Variants in KIF13A observed in about 807,000 individuals in gnomAD.
KIF13A encodes kinesin-like protein KIF13A.
KIF13A carries 79 observed loss-of-function variants against 212.2 expected under a neutral mutation model. That is an observed-to-expected ratio of 0.37 (90% CI 0.31 to 0.45). The LOEUF is 0.45. KIF13A is among the 20% of genes least tolerant of loss of function. The probability of loss-of-function intolerance (pLI) is 1.00; values close to 1 mark genes in which losing one functional copy is unlikely to be tolerated. For synonymous variants in KIF13A, 789 were observed against 808.6 expected (o/e 0.98, Z 0.41); for missense variants, 1,901 against 2,209.0 (o/e 0.86, Z 2.79).
chr6:17,844,023 T>C (rs926817223), intron 9 of KIF13A, among the ~76,000 whole-genome samples: 42 of 143,186 alleles, frequency 2.9e-4, no homozygotes, highest in African/African-American at 1.1e-3. Context: ...CCAGCCTGGG[T>C]GACAGAGTGA....
chr6:17,857,855 A>G (rs780276043), intron 4 of KIF13A, among the ~76,000 whole-genome samples: 3 of 152,190 alleles, frequency 2.0e-5, no homozygotes, highest in Non-Finnish European at 4.4e-5. Flanking sequence ...TGGCAGTGTT[A>G]TTCATAATAC....
intron 2 of KIF13A, among the ~76,000 whole-genome samples, chr6:17,929,344 AT>A (rs1775787997): frequency 6.6e-6 from 1 of 151,718 alleles, no homozygotes; most frequent in Non-Finnish European, 1.5e-5. Context: ...GGCTCAAACA[AT>A]GCTCTAGCTT....
At chr6:17,818,823 C>G (rs1010494150) in intron 16 of KIF13A, among the ~76,000 whole-genome samples, 1 of 152,110 alleles carries the variant, frequency 6.6e-6, no homozygotes, top group Non-Finnish European at 1.5e-5. Flanking sequence ...TGGTAATAAA[C>G]TGATGTGGTA....
Position 17,987,438 on chromosome 6 carries a change from G to A in KIF13A, c.26C>T (p.Ala9Val). ...TCGGTTCATGGGCCGGACCCGGACGGCAACTTTTACCTTGGTATCCGACAT... is the reference window on the plus strand; with the variant it reads ...TCGGTTCATGGGCCGGACCCGGACGACAACTTTTACCTTGGTATCCGACAT... MSDTKVKVAVRVRPMNRRE... is the reference protein window; with the variant it reads MSDTKVKVVVRVRPMNRRE... The change falls in exon 1 of 39, where the codon GCC becomes GTC. Residue 9 changes from alanine to valine, a missense_variant. Physicochemically the swap from Ala to Val is moderately conservative, Grantham distance 64. Coordinates refer to ENST00000259711, the MANE Select transcript of KIF13A (RefSeq NM_022113.6). This position sits in a 1 kb window ranked among gnomAD's most constrained non-coding sequence, Gnocchi z 7.7. The A allele has an allele frequency of 2.2e-6, 3 of 1,345,190 alleles. No homozygotes were observed. The South Asian group carries it at 3.8e-5, about 17-fold the overall frequency. 83.3% of individuals were successfully genotyped at this position (1,345,190 alleles called of 1,614,324 possible). A position where few individuals can be genotyped will look rare whatever the true frequency, so the allele number is the denominator to read the frequency against.
chr6:17,962,970 GT>G (rs1039442219), intron 2 of KIF13A, among the ~76,000 whole-genome samples: 4 of 152,160 alleles, frequency 2.6e-5, no homozygotes, highest in Non-Finnish European at 5.9e-5. Flanking sequence ...AGATCTGTCT[GT>G]CCCCTCCCCC....
At chr6:17,874,977 C>CCACACA (rs879821124) in intron 3 of KIF13A, among the ~76,000 whole-genome samples, 1 of 90,692 alleles carries the variant, frequency 1.1e-5, no homozygotes, top group African/African-American at 4.9e-5. Flanking sequence ...TAGTATTCCA[C>CCACACA]CACACACACA....
chr6:17,825,942 G>A lies in KIF13A; in HGVS notation c.1620-8C>T, dbSNP rs1172670298. On this transcript the variant is annotated splice_region_variant and splice_polypyrimidine_tract_variant and intron_variant, in intron 15 of 38. Transcript: ENST00000259711. This position sits in a 1 kb window ranked among gnomAD's most constrained non-coding sequence, Gnocchi z 4.5. ...CTCTTAGGTAAGTTTATTCTGTGGG[G>A]TTTTTCACCATTAGAGAAAATCAAC... 1.2e-6 allele frequency: 2 copies of A among 1,613,206 alleles called. No individual in the cohort carries two copies. The highest frequency in any genetic ancestry group is 1.6e-4 in the Middle Eastern group (1 of 6,082).
intron 2 of KIF13A, among the ~76,000 whole-genome samples, chr6:17,935,589 A>G (rs1272546215): frequency 6.6e-6 from 1 of 152,158 alleles, no homozygotes; most frequent in Non-Finnish European, 1.5e-5. Flanking sequence ...ACGAACCTCT[A>G]AGCACCAATT....
At chr6:17,904,417 G>A (rs993773071) in intron 2 of KIF13A, among the ~76,000 whole-genome samples, 15 of 152,016 alleles carry the variant, frequency 9.9e-5, no homozygotes, top group African/African-American at 2.9e-4. Flanking sequence ...GCAGTGAGCC[G>A]AGATTGCACC....
At chr6:17,964,895 C>T (rs1779163513) in intron 2 of KIF13A, among the ~76,000 whole-genome samples, 1 of 147,856 alleles carries the variant, frequency 6.8e-6, no homozygotes, top group Non-Finnish European at 1.5e-5. Context: ...TGATCTCGGC[C>T]CAATGCAACC....
chr6:17,794,639 T>C lies in KIF13A; in HGVS notation c.3008A>G (p.Glu1003Gly), dbSNP rs1385016290. 1.5e-5 allele frequency: 24 copies of C among 1,613,426 alleles called. No homozygotes were observed. The highest frequency in any genetic ancestry group is 1.9e-5 in the Non-Finnish European group (23 of 1,179,672). ...ISILELNELG[E>G]YAAVELHQAK... ...CTGATGAAGTTCCACTGCAGCATAC[T>C]CTCCTAACTCATTCAATTCTAATAT... The change falls in exon 24 of 39, where the codon GAG becomes GGG. Residue 1003 changes from glutamate (E) to glycine (G), a missense_variant. Physicochemically the swap from Glu to Gly is moderately conservative, Grantham distance 98. Transcript: ENST00000259711. The surrounding 1 kb of genome is among the most constrained non-coding windows in gnomAD (Gnocchi z 4.1).
chr6:17,966,659 T>G (rs917902968), intron 2 of KIF13A, among the ~76,000 whole-genome samples: 3 of 152,190 alleles, frequency 2.0e-5, no homozygotes, highest in African/African-American at 7.2e-5. Flanking sequence ...TGGATTCACT[T>G]GACCACATCC....
intron 4 of KIF13A, among the ~76,000 whole-genome samples, chr6:17,867,655 C>T (rs760391251): frequency 1.3e-5 from 2 of 152,170 alleles, no homozygotes; most frequent in Admixed American, 6.5e-5. Flanking sequence ...AGAGCCTGTG[C>T]TTTTAACTAC....
At position 17,777,838 on chromosome 6, in the gene KIF13A, T is replaced by A. The variant is rs983469150; in HGVS notation, c.4093-484A>T. ...TTTGTTTAGCAATTTATCAAAAATA[T>A]TTTTTTTAAGATAAATAAAACTGCA... On this transcript the variant is annotated intron_variant, in intron 33 of 38. Coordinates refer to ENST00000259711, the MANE Select transcript of KIF13A (RefSeq NM_022113.6). The surrounding 1 kb of genome is among the most constrained non-coding windows in gnomAD (Gnocchi z 4.4). Among the ~76,000 whole-genome samples the A allele has an allele frequency of 3.3e-4, 31 of 94,898 alleles. No homozygotes were observed. The highest frequency in any genetic ancestry group is 2.4e-3 in the East Asian group (6 of 2,508). The allele number at this position is 94,898 out of a possible 152,430, so 62.3% of individuals were successfully genotyped here.
intron 20 of KIF13A, 139 bp from the exon 21 acceptor site, chr6:17,800,252 C>T: frequency 1.3e-6 from 1 of 749,226 alleles, no homozygotes; most frequent in Non-Finnish European, 2.1e-6. Flanking sequence ...AACGGGAGCC[C>T]TGCTACTACC....
intron 16 of KIF13A, chr6:17,822,030 G>T: frequency 3.2e-6 from 3 of 944,824 alleles, no homozygotes; most frequent in Non-Finnish European, 4.5e-6. Context: ...TGGGGTAGGG[G>T]GAAACATAAC....
intron 2 of KIF13A, among the ~76,000 whole-genome samples, chr6:17,905,414 T>C (rs1773406994): frequency 1.3e-5 from 2 of 152,276 alleles, no homozygotes; most frequent in South Asian, 4.2e-4. Context: ...TAATTAATAT[T>C]AAGTGGATGG....
At position 17,826,846 on chromosome 6, in the gene KIF13A, G is replaced by A. The variant is rs181990667; in HGVS notation, c.1533-722C>T. 1.2e-3 allele frequency among the ~76,000 whole-genome samples: 179 copies of A among 152,048 alleles called. No homozygotes were observed. The highest frequency in any genetic ancestry group is 4.1e-3 in the African/African-American group (171 of 41,426). On this transcript the variant is annotated intron_variant, in intron 14 of 38. Coordinates refer to ENST00000259711, the MANE Select transcript of KIF13A (RefSeq NM_022113.6). This position sits in a 1 kb window ranked among gnomAD's most constrained non-coding sequence, Gnocchi z 4.7. Reference sequence around the variant, plus strand: ...TATATTTAAGAATCTTCATCTTTTAGAGAGACATAGTGAGATATTTATAGA... The same window carrying A: ...TATATTTAAGAATCTTCATCTTTTAAAGAGACATAGTGAGATATTTATAGA...
At chr6:17,904,840 T>C (rs1466067134) in intron 2 of KIF13A, among the ~76,000 whole-genome samples, 1 of 152,276 alleles carries the variant, frequency 6.6e-6, no homozygotes, top group Non-Finnish European at 1.5e-5. Flanking sequence ...TTCTCTTTCA[T>C]GTATTAAAAT....
Sources: gnomAD v4.1 joint callset for allele counts (sites outside exome capture counted in the v4.1 genomes callset) on GRCh38, gnomAD v4.1.1 for gene constraint, Gnocchi (gnomAD v3.1) non-coding constraint, MANE v1.5 for transcripts, NCBI Gene and HGNC (gene_info 2026-07-23, HGNC 2026-07-21) for gene names.